Variants in MICALL2 observed in about 807,000 individuals in gnomAD.
The protein encoded by MICALL2 is MICAL like 2, also known as MICAL-like protein 2.
A neutral mutation model predicts 91.1 loss-of-function variants in MICALL2; 111 were observed. The observed-to-expected ratio is 1.22, with a 90% CI of 1.04 to 1.43. The LOEUF (loss-of-function observed/expected upper bound fraction) is 1.43. Ranked by LOEUF, MICALL2 falls within the 40% of genes most tolerant of loss-of-function variation. The pLI is 0.00. For missense variants in MICALL2, 1,556 were observed against 1,236.0 expected (o/e 1.26, Z -3.88); for synonymous variants, 694 against 525.3 (o/e 1.32, Z -4.39).
At chr7:1,439,125 A>C (rs1780135025) in intron 9 of MICALL2, 130 bp from the exon 10 acceptor site, 1 of 737,756 alleles carries the variant, frequency 1.4e-6, no homozygotes, top group African/African-American at 1.8e-5. Flanking sequence ...CCCGACTGGC[A>C]CAGGGTTGGC....
Position 1,444,684 on chromosome 7 carries a change from C to A in MICALL2, c.1386G>T (p.Ala462=), listed in dbSNP as rs755144262. 3 of 1,611,720 alleles carry A rather than the reference C, an allele frequency of 1.9e-6. No homozygotes were observed. Among genetic ancestry groups the A allele is most frequent in the South Asian group, 1.1e-5 (1 of 91,068 alleles). The part of the protein sequence containing the change: ...ARNFLKQALS[A]LEEAGAPAPG... The stretch of plus-strand genomic sequence containing the variant: ...GCGCCGGAGCGCCAGCCTCTTCCAG[C>A]GCTGAGAGGGCCTGCTTGAGGAAGT... The change falls in exon 6 of 17, where the codon GCG becomes GCT. Residue 462 remains alanine, a synonymous_variant. Coordinates refer to ENST00000297508, the MANE Select transcript of MICALL2 (RefSeq NM_182924.4).
intron 6 of MICALL2, among the ~76,000 whole-genome samples, chr7:1,442,906 G>T (rs978528964): frequency 3.9e-5 from 6 of 152,138 alleles, no homozygotes; most frequent in African/African-American, 7.2e-5. Context: ...TGGGCTGCCA[G>T]GTTCAGTCCC....
chr7:1,438,203 G>A lies in MICALL2; in HGVS notation c.2205C>T (p.Leu735=), dbSNP rs2128519321. The A allele has an allele frequency of 3.8e-6, 6 of 1,583,984 alleles. No homozygotes were observed. The Middle Eastern group carries it at 5.0e-4, about 132-fold the overall frequency. Residue 735 remains leucine, a synonymous_variant, in exon 12 of 17, where the codon CTC becomes CTT. Transcript: ENST00000297508. The stretch of plus-strand genomic sequence containing the variant: ...GCTGCCTCTGTATCTCCTCCGGGGA[G>A]AGGTAGTCGGGGTGCAGCTGGGAAC... ...TSPVRLHPDY[L]SPEEIQRQLQ...
At position 1,434,645 on chromosome 7, in the gene MICALL2, C is replaced by T. The variant is rs769329963; in HGVS notation, c.2666G>A (p.Arg889His). The change falls in exon 17 of 17, where the codon CGC (arginine) becomes CAC (histidine). Residue 889 changes from arginine (R) to histidine (H), a missense_variant. By Grantham distance (29) the Arg-to-His change is conservative. Coordinates refer to ENST00000297508, the MANE Select transcript of MICALL2 (RefSeq NM_182924.4). ...LGLQRKKSKF[R>H]LSKIWSPKSK... Reference sequence around the variant, plus strand: ...TTTTGGTGACCAGATCTTGGACAAGCGGAACTTGGACTTCTTCCTCTGGAG... The same window carrying T: ...TTTTGGTGACCAGATCTTGGACAAGTGGAACTTGGACTTCTTCCTCTGGAG... The T allele has an allele frequency of 2.2e-5, 34 of 1,572,136 alleles. No homozygotes were observed. Among genetic ancestry groups the T allele is most frequent in the South Asian group, 7.0e-5 (6 of 85,528 alleles).
At chr7:1,441,843 GC>G in intron 7 of MICALL2, 1 of 327,786 alleles carries the variant, frequency 3.1e-6, no homozygotes, top group South Asian at 4.2e-5. Context: ...AGAACAGGAG[GC>G]CCCACAGACC....
rs1415640031 is a variant in MICALL2 at position 1,438,117 on chromosome 7, C to T, written c.2291G>A (p.Arg764Gln). ...LELRGVELEK[R>Q]LRAAEGDDAE... Reference sequence around the variant, plus strand: ...CTCACCTCCCTCGGCCGCCCGCAGTCGCTTCTCCAGCTCCACGCCGCGGAG... The same window carrying T: ...CTCACCTCCCTCGGCCGCCCGCAGTTGCTTCTCCAGCTCCACGCCGCGGAG... Residue 764 changes from arginine to glutamine, a missense_variant, in exon 12 of 17, where the codon CGA becomes CAA. Arg to Gln is a conservative substitution (Grantham distance 43, BLOSUM62 1). Coordinates refer to ENST00000297508, the MANE Select transcript of MICALL2 (RefSeq NM_182924.4). 3.2e-6 allele frequency: 5 copies of T among 1,563,998 alleles called. No individual in the cohort carries two copies. Among genetic ancestry groups the T allele is most frequent in the Middle Eastern group, 1.8e-4 (1 of 5,578 alleles).
At chr7:1,436,719 G>A (rs369498128) in intron 15 of MICALL2, 23 bp downstream of exon 15, 158 of 1,579,830 alleles carry the variant, frequency 1.0e-4, no homozygotes, top group Non-Finnish European at 1.2e-4. Context: ...GGCTGGGAGG[G>A]GCCCCCGGCA....
rs1465222296 is a variant in MICALL2 at position 1,435,083 on chromosome 7, C to T, written c.2638+18G>A. On this transcript the variant is annotated intron_variant, in intron 16 of 16. Coordinates refer to ENST00000297508, the MANE Select transcript of MICALL2 (RefSeq NM_182924.4). ...CCCAGCCAGCCAGCCCAGCCCTCAGCATCCCCGGCCCAGTCACCCAGCTTC... is the reference window on the plus strand; with the variant it reads ...CCCAGCCAGCCAGCCCAGCCCTCAGTATCCCCGGCCCAGTCACCCAGCTTC... The T allele has an allele frequency of 1.1e-5, 17 of 1,612,402 alleles. No homozygotes were observed. The highest frequency in any genetic ancestry group is 1.4e-5 in the Non-Finnish European group (17 of 1,179,620).
intron 10 of MICALL2, 171 bp from the exon 11 acceptor site, chr7:1,438,524 A>G (rs1780098447): frequency 1.4e-6 from 2 of 1,436,422 alleles, no homozygotes; most frequent in Non-Finnish European, 1.8e-6. Flanking sequence ...CAGACACCTG[A>G]GTGGCCTCCA....
chr7:1,438,615 A>G, intron 10 of MICALL2: 1 of 1,420,764 alleles, frequency 7.0e-7, no homozygotes, highest in Non-Finnish European at 9.2e-7. Context: ...TGCCAGAAGC[A>G]GACATTCCAT....
At chr7:1,443,457 G>A (rs966039707) in intron 6 of MICALL2, among the ~76,000 whole-genome samples, 22 of 152,184 alleles carry the variant, frequency 1.4e-4, no homozygotes, top group Non-Finnish European at 1.0e-4. Context: ...ATTCTTACTC[G>A]CTAAGTGACT....
chr7:1,445,218 C>T lies in MICALL2; in HGVS notation c.852G>A (p.Pro284=), dbSNP rs115118135. The change falls in exon 6 of 17, where the codon CCG becomes CCA. Residue 284 remains proline (P), a synonymous_variant. Coordinates refer to ENST00000297508, the MANE Select transcript of MICALL2 (RefSeq NM_182924.4). ...QKAQEANKAR[P]SAWEPAAGNS... is the part of the protein sequence containing the mutation. Reference sequence around the variant, plus strand: ...TGCCCGCAGCAGGCTCCCAGGCCGACGGTCTGGCCTTGTTTGCCTCCTGGG... The same window carrying T: ...TGCCCGCAGCAGGCTCCCAGGCCGATGGTCTGGCCTTGTTTGCCTCCTGGG... 3,841 of 1,607,558 alleles carry T rather than the reference C, an allele frequency of 2.4e-3. 82 individuals carry two copies. The African/African-American group carries it at 0.042, about 17-fold the overall frequency.
In MICALL2 at chr7:1,440,605, TCTC is replaced by T. The variant is rs1225334470; in HGVS notation, c.1788_1790del (p.Arg597del). Reference sequence around the variant, plus strand: ...CCATCCCTAACCTCTCAGCTGGGCTTCTCCTGTCCACGGGCTTCAGATTCGCTC... The same window carrying T: ...CCATCCCTAACCTCTCAGCTGGGCTTCTGTCCACGGGCTTCAGATTCGCTC... On this transcript the variant is annotated inframe_deletion, in exon 8 of 17. Transcript: ENST00000297508. 1.5e-5 allele frequency: 24 copies of T among 1,612,580 alleles called. No homozygotes were observed. Among genetic ancestry groups the T allele is most frequent in the South Asian group, 6.6e-5 (6 of 91,072 alleles).
chr7:1,444,805 T>C lies in MICALL2; in HGVS notation c.1265A>G (p.Gln422Arg). The C allele has an allele frequency of 6.2e-7, 1 of 1,611,152 alleles. No homozygotes were observed. Among genetic ancestry groups the C allele is most frequent in the Non-Finnish European group, 8.5e-7 (1 of 1,179,184 alleles). ...RTQQARNKFF[Q>R]TSAVPPGTSL... ...GGTGCCGGGGGGCACTGCTGATGTT[T>C]GGAAAAACTTATTCCGGGCCTGCTG... Residue 422 changes from glutamine to arginine, a missense_variant, in exon 6 of 17, where the codon CAA becomes CGA. Coordinates refer to ENST00000297508, the MANE Select transcript of MICALL2 (RefSeq NM_182924.4).
chr7:1,453,977 C>A (rs1048292061), intron 1 of MICALL2, among the ~76,000 whole-genome samples: 1 of 152,174 alleles, frequency 6.6e-6, no homozygotes, highest in African/African-American at 2.4e-5. Flanking sequence ...ACCGTGCGTG[C>A]CCCTGCCCGG....
At position 1,452,362 on chromosome 7, in the gene MICALL2, G is replaced by T; in HGVS notation, c.144-2074C>A. ...ACGTGGGTGGCTGTCTATGCCCAGG[G>T]ACTCTGCAGCCATGCTGGGCGTCAG... On this transcript the variant is annotated intron_variant, in intron 1 of 16. Transcript: ENST00000297508. This position sits in a 1 kb window ranked among gnomAD's most constrained non-coding sequence, Gnocchi z 6.2. Among the ~76,000 whole-genome samples, 1 of 151,970 alleles carries T rather than the reference G, an allele frequency of 6.6e-6. No homozygotes were observed. Among genetic ancestry groups the T allele is most frequent in the South Asian group, 2.1e-4 (1 of 4,818 alleles).
At chr7:1,440,901 TCTCC>T (rs1780249665) in intron 7 of MICALL2, 2 of 543,940 alleles carry the variant, frequency 3.7e-6, no homozygotes, top group African/African-American at 3.8e-5. Flanking sequence ...TGGGGGAAGC[TCTCC>T]CTGCCTCTGG....
At chr7:1,458,982 C>T (rs561712755) in intron 1 of MICALL2, among the ~76,000 whole-genome samples, 1 of 152,274 alleles carries the variant, frequency 6.6e-6, no homozygotes, top group Admixed American at 6.5e-5. Context: ...CGGGGGATGC[C>T]ATGGCTCTGG....
In MICALL2 at chr7:1,436,742, C is replaced by T. The variant is rs140492528; in HGVS notation, c.2591G>A (p.Arg864Gln). ...GGGGCCCCCGGCACCTGCCCCTCAC[C>T]GGAGCCGGTCCTCGTCCAGCGAGTC... ...IVDSLDEDRLREQEEDQMLRD... is the reference protein window; with the variant it reads ...IVDSLDEDRLQEQEEDQMLRD... Residue 864 changes from arginine to glutamine, a missense_variant and splice_region_variant, in exon 15 of 17, where the codon CGG (arginine) becomes CAG (glutamine). Arg to Gln is a conservative substitution (Grantham distance 43). Coordinates refer to ENST00000297508, the MANE Select transcript of MICALL2 (RefSeq NM_182924.4). 274 of 1,601,620 alleles carry T rather than the reference C, an allele frequency of 1.7e-4. No homozygotes were observed. Among genetic ancestry groups the T allele is most frequent in the South Asian group, 2.9e-4 (26 of 90,252 alleles).
Sources: allele counts gnomAD v4.1 joint callset (sites outside exome capture counted in the v4.1 genomes callset), GRCh38; gene constraint gnomAD v4.1.1; non-coding constraint Gnocchi (gnomAD v3.1); transcripts MANE v1.5; gene names NCBI Gene and HGNC (gene_info 2026-07-23, HGNC 2026-07-21).